Variants in PLCB4 observed in about 807,000 individuals in gnomAD.
PLCB4 encodes phospholipase C beta 4, also known as 1-phosphatidylinositol 4,5-bisphosphate phosphodiesterase beta-4.
PLCB4 carries 77 observed loss-of-function variants against 178.8 expected under a neutral mutation model. The ratio of observed to expected loss-of-function variants is 0.43; its 90% CI spans 0.36 to 0.52. The LOEUF (loss-of-function observed/expected upper bound fraction) is 0.52. Among genes scored for constraint, PLCB4 ranks in the 20% least tolerant of loss-of-function variants. The probability of loss-of-function intolerance (pLI) is 0.00; values close to 1 mark genes in which losing one functional copy is unlikely to be tolerated. For synonymous variants in PLCB4, 496 were observed against 490.8 expected (o/e 1.01, Z -0.14); for missense variants, 1,024 against 1,453.4 (o/e 0.70, Z 4.80).
chr20:9,399,760 G>A (rs1185165593), intron 19 of PLCB4, among the ~76,000 whole-genome samples: 1 of 152,224 alleles, frequency 6.6e-6, no homozygotes, highest in Admixed American at 6.5e-5. Context: ...TTGCCTTCAA[G>A]TGGTTTACAT....
chr20:9,355,468 C>G (rs2034722556), intron 7 of PLCB4, among the ~76,000 whole-genome samples: 1 of 151,942 alleles, frequency 6.6e-6, no homozygotes, highest in Admixed American at 6.6e-5. Flanking sequence ...CAACAGTCCC[C>G]AGAGTGTGAT....
intron 2 of PLCB4, among the ~76,000 whole-genome samples, chr20:9,206,642 G>A (rs1044112875): frequency 3.3e-5 from 5 of 152,134 alleles, no homozygotes; most frequent in Non-Finnish European, 7.3e-5. Flanking sequence ...ATTGCCTGGG[G>A]AAATTAGGTA....
At position 9,330,958 on chromosome 20, in the gene PLCB4, C is replaced by T. The variant is rs147624464; in HGVS notation, c.85-6168C>T. Reference sequence around the variant, plus strand: ...CATTTAGTCAGCATTTACTTTGTCCCAGGTACTTAGACATTCTCAATATTA... The same window carrying T: ...CATTTAGTCAGCATTTACTTTGTCCTAGGTACTTAGACATTCTCAATATTA... On this transcript the variant is annotated intron_variant, in intron 4 of 39. Coordinates refer to ENST00000378473, the MANE Select transcript of PLCB4 (RefSeq NM_001377142.1). Among the ~76,000 whole-genome samples the T allele has an allele frequency of 6.2e-3, 941 of 152,266 alleles. 16 individuals carry two copies. Among genetic ancestry groups the T allele is most frequent in the African/African-American group, 0.022 (904 of 41,558 alleles).
At chr20:9,211,843 G>A (rs1386619274) in intron 2 of PLCB4, among the ~76,000 whole-genome samples, 1 of 152,166 alleles carries the variant, frequency 6.6e-6, no homozygotes, top group Non-Finnish European at 1.5e-5. Flanking sequence ...TAAAATATCT[G>A]TATTTTAAGA....
rs190973582 is a variant in PLCB4 at position 9,437,936 on chromosome 20, G to T, written c.2764+784G>T. ...GATGAGACCACACCTCATCATCAGT[G>T]TGTCCCTGGAACCATGCCTAGTTAA... On this transcript the variant is annotated intron_variant, in intron 30 of 39. Coordinates refer to ENST00000378473, the MANE Select transcript of PLCB4 (RefSeq NM_001377142.1). Among the ~76,000 whole-genome samples the T allele has an allele frequency of 3.5e-4, 53 of 152,300 alleles. 2 individuals are homozygous for T. The East Asian group carries it at 9.8e-3, about 28-fold the overall frequency.
At chr20:9,469,699 C>T (rs979973262) in intron 36 of PLCB4, among the ~76,000 whole-genome samples, 3 of 152,314 alleles carry the variant, frequency 2.0e-5, no homozygotes, top group Non-Finnish European at 2.9e-5. Flanking sequence ...TTTTGTGTTT[C>T]CATATTAGGC....
intron 2 of PLCB4, among the ~76,000 whole-genome samples, chr20:9,104,280 A>G (rs6056405): frequency 0.88 from 133,353 of 152,142 alleles, 58,893 homozygotes; most frequent in East Asian, 1. Flanking sequence ...TGGCTGAGTT[A>G]CAAGAGTAAG....
At chr20:9,236,633 G>A (rs1476153905) in intron 3 of PLCB4, among the ~76,000 whole-genome samples, 1 of 152,166 alleles carries the variant, frequency 6.6e-6, no homozygotes. Context: ...TTCTGCAACA[G>A]ATCAGTGCTG....
chr20:9,152,603 G>A (rs1036938754), intron 2 of PLCB4, among the ~76,000 whole-genome samples: 1 of 152,214 alleles, frequency 6.6e-6, no homozygotes, highest in African/African-American at 2.4e-5. Context: ...GTACGGAAAT[G>A]CCTGTATGCC....
intron 32 of PLCB4, among the ~76,000 whole-genome samples, chr20:9,451,196 T>C (rs1047546782): frequency 6.6e-6 from 1 of 152,176 alleles, no homozygotes; most frequent in African/African-American, 2.4e-5. Context: ...TAGAGTTGAA[T>C]CCATCATAAA....
chr20:9,226,867 A>G (rs1253964096), intron 3 of PLCB4, among the ~76,000 whole-genome samples: 1 of 152,076 alleles, frequency 6.6e-6, no homozygotes, highest in African/African-American at 2.4e-5. Flanking sequence ...TGTCCCTGGG[A>G]CTTTACACAG....
rs117776577 is a variant in PLCB4 at position 9,193,389 on chromosome 20, G to A, written c.-78-24001G>A. Among the ~76,000 whole-genome samples the A allele has an allele frequency of 5.2e-4, 79 of 152,312 alleles. No individual in the cohort carries two copies. In the East Asian group the frequency reaches 0.013, roughly 24 times the overall value. On this transcript the variant is annotated intron_variant, in intron 2 of 39. Coordinates refer to ENST00000378473, the MANE Select transcript of PLCB4 (RefSeq NM_001377142.1). ...TTTTCCTGTAGAAAGACACAGGTTG[G>A]TTCCTTTCCCACTAACTCTGATCCA...
chr20:9,212,827 A>G (rs1412498549), intron 2 of PLCB4, among the ~76,000 whole-genome samples: 1 of 152,190 alleles, frequency 6.6e-6, no homozygotes, highest in African/African-American at 2.4e-5. Flanking sequence ...TATGTGTATT[A>G]TAGCCTTTTT....
chr20:9,101,846 CTTT>C (rs112396041), intron 2 of PLCB4, among the ~76,000 whole-genome samples: 2 of 135,802 alleles, frequency 1.5e-5, no homozygotes. Context: ...TGTAAATCAG[CTTT>C]TTTTTTTTTT....
At chr20:9,327,882 A>G (rs1367046387) in intron 4 of PLCB4, among the ~76,000 whole-genome samples, 1 of 152,230 alleles carries the variant, frequency 6.6e-6, no homozygotes, top group African/African-American at 2.4e-5. Flanking sequence ...TGAGATAGGT[A>G]TTGTGGTTGA....
chr20:9,259,178 A>G (rs1312054801), intron 3 of PLCB4, among the ~76,000 whole-genome samples: 1 of 152,202 alleles, frequency 6.6e-6, no homozygotes, highest in Non-Finnish European at 1.5e-5. Context: ...ATACTGTTTA[A>G]GAGGGCTCCT....
At chr20:9,424,025 C>A in intron 28 of PLCB4, 73 bp downstream of exon 28, 1 of 1,012,612 alleles carries the variant, frequency 9.9e-7, no homozygotes. Flanking sequence ...AACATCTTGT[C>A]CATGCTTTAA....
chr20:9,116,638 T>C lies in PLCB4; in HGVS notation c.-79+20296T>C, dbSNP rs554344773. Among the ~76,000 whole-genome samples, 28 of 152,292 alleles carry C rather than the reference T, an allele frequency of 1.8e-4. No individual in the cohort carries two copies. The South Asian group carries it at 4.6e-3, about 25-fold the overall frequency. On this transcript the variant is annotated intron_variant, in intron 2 of 39. Transcript: ENST00000378473. ...ATGACAATAGCTTTATAGAAACTTT[T>C]GGTATGTGGTAGGTTGAAGTCTTGG...
intron 2 of PLCB4, among the ~76,000 whole-genome samples, chr20:9,115,271 G>A (rs2091735256): frequency 6.6e-6 from 1 of 151,892 alleles, no homozygotes; most frequent in Admixed American, 6.6e-5. Context: ...AGTGCTGATG[G>A]TCCTCATAGA....
Sources: allele counts gnomAD v4.1 joint callset (sites outside exome capture counted in the v4.1 genomes callset), GRCh38; gene constraint gnomAD v4.1.1; transcripts MANE v1.5; gene names NCBI Gene and HGNC (gene_info 2026-07-23, HGNC 2026-07-21).